The following GRIP1 variants were observed in gnomAD, a reference collection of about 807,000 sequenced individuals.
GRIP1 encodes glutamate receptor-interacting protein 1.
In GRIP1, 45 loss-of-function variants were observed where a neutral mutation model predicts 129.9. That is an observed-to-expected ratio of 0.35 (90% CI 0.27 to 0.44). The LOEUF is 0.44. Ranked by LOEUF, GRIP1 falls within the 20% of genes least tolerant of loss-of-function variation. The pLI is 1.00. For missense variants in GRIP1, 1,196 were observed against 1,396.8 expected, an observed-to-expected ratio of 0.86 and a Z score of 2.29; for synonymous variants, 530 against 520.8, an observed-to-expected ratio of 1.02 and a Z score of -0.24.
At chr12:66,971,129 T>C (rs1433718894) in intron 1 of GRIP1, among the ~76,000 whole-genome samples, 1 of 152,186 alleles carries the variant, frequency 6.6e-6, no homozygotes. Context: ...AAAATTACTA[T>C]TTAAATGGCC....
intron 1 of GRIP1, among the ~76,000 whole-genome samples, chr12:67,019,059 GT>G (rs1305889229): frequency 6.6e-6 from 1 of 152,108 alleles, no homozygotes; most frequent in Non-Finnish European, 1.5e-5. Context: ...CACAAAACAG[GT>G]TTTAATAAGA....
At chr12:66,490,565 A>T (rs1371848551) in intron 7 of GRIP1, among the ~76,000 whole-genome samples, 1 of 152,188 alleles carries the variant, frequency 6.6e-6, no homozygotes, top group Non-Finnish European at 1.5e-5. Context: ...GGACATAGGC[A>T]TGGGCAAAGA....
At chr12:66,491,618 A>G (rs567241515) in intron 7 of GRIP1, among the ~76,000 whole-genome samples, 1 of 152,128 alleles carries the variant, frequency 6.6e-6, no homozygotes, top group South Asian at 2.1e-4. Context: ...GCACCCCTGA[A>G]CTTAAGAGTT....
Position 66,406,368 on chromosome 12 carries a change from G to A in GRIP1, c.1899C>T (p.Asn633=). The A allele has an allele frequency of 6.2e-7, 1 of 1,614,038 alleles. No homozygotes were observed. Among genetic ancestry groups the A allele is most frequent in the African/African-American group, 1.3e-5 (1 of 75,058 alleles). ...LLAIDNIRLD[N]CSMEDAVQIL... Reference sequence around the variant, plus strand: ...TCTGAACTGCATCTTCCATGGAACAGTTGTCCAGCCGGATATTATCTATTG... The same window carrying A: ...TCTGAACTGCATCTTCCATGGAACAATTGTCCAGCCGGATATTATCTATTG... The change falls in exon 16 of 25, where the codon AAC becomes AAT. Residue 633 remains asparagine, a synonymous_variant. Transcript: ENST00000359742.
chr12:66,651,015 A>G (rs1253088685), intron 1 of GRIP1, among the ~76,000 whole-genome samples: 1 of 152,248 alleles, frequency 6.6e-6, no homozygotes, highest in Non-Finnish European at 1.5e-5. Context: ...AAAATATTTA[A>G]GACAATATGT....
At chr12:66,563,153 A>G (rs1490708925) in intron 2 of GRIP1, among the ~76,000 whole-genome samples, 2 of 152,244 alleles carry the variant, frequency 1.3e-5, no homozygotes, top group Non-Finnish European at 2.9e-5. Flanking sequence ...GTTATACTAT[A>G]TATACAGTAT....
At chr12:66,861,446 G>C (rs2040110264) in intron 1 of GRIP1, among the ~76,000 whole-genome samples, 3 of 152,082 alleles carry the variant, frequency 2.0e-5, no homozygotes, top group Non-Finnish European at 4.4e-5. Flanking sequence ...ACAAACGAAG[G>C]CAACTTACAC....
exon 1 of GRIP1, chr12:66,804,091 T>TA (rs1275077592): frequency 4.4e-6 from 2 of 455,810 alleles, no homozygotes; most frequent in African/African-American, 4.0e-5. Flanking sequence ...GACATCCTCA[T>TA]AGCCCTCGTG....
At chr12:66,500,085 A>C (rs961112014) in intron 7 of GRIP1, among the ~76,000 whole-genome samples, 1 of 152,194 alleles carries the variant, frequency 6.6e-6, no homozygotes, top group Non-Finnish European at 1.5e-5. Context: ...ATCTCATAAC[A>C]ACAACAATAA....
At chr12:66,776,617 TACAGA>T (rs1240252631) in intron 1 of GRIP1, among the ~76,000 whole-genome samples, 1 of 152,108 alleles carries the variant, frequency 6.6e-6, no homozygotes, top group Non-Finnish European at 1.5e-5. Context: ...CACAAGTAAA[TACAGA>T]GCAATATTTG....
In GRIP1 at chr12:66,371,939, A is replaced by G. The variant is rs764337127; in HGVS notation, c.2779-12T>C. On this transcript the variant is annotated splice_polypyrimidine_tract_variant and intron_variant, in intron 22 of 24. Transcript: ENST00000359742. ...GACATGATTGTTGCCTGTGGCATTG[A>G]CAATTTTTAGAAACAATTAAGCCAT... 1.3e-6 allele frequency: 2 copies of G among 1,562,194 alleles called. No homozygotes were observed. The highest frequency in any genetic ancestry group is 1.7e-5 in the Admixed American group (1 of 59,948).
chr12:67,051,972 G>A (rs1262765450), intron 1 of GRIP1, among the ~76,000 whole-genome samples: 1 of 152,180 alleles, frequency 6.6e-6, no homozygotes, highest in Non-Finnish European at 1.5e-5. Context: ...CTGACAGGAA[G>A]AGAACTGGAA....
chr12:66,646,864 T>A (rs1484349692), intron 1 of GRIP1, among the ~76,000 whole-genome samples: 4 of 152,160 alleles, frequency 2.6e-5, no homozygotes, highest in Admixed American at 2.0e-4. Flanking sequence ...CGAGAGGGTG[T>A]CCTCTCATGT....
At chr12:66,857,942 A>G (rs147594019) in intron 1 of GRIP1, among the ~76,000 whole-genome samples, 157 of 152,108 alleles carry the variant, frequency 1.0e-3, no homozygotes, top group African/African-American at 3.4e-3. Context: ...CGAGCACAGA[A>G]GTGTGAACTG....
chr12:66,576,233 T>A (rs565065685), intron 2 of GRIP1, among the ~76,000 whole-genome samples: 2 of 152,296 alleles, frequency 1.3e-5, no homozygotes, highest in Admixed American at 1.3e-4. Context: ...TAGAAAGATC[T>A]CTCATAATAA....
At chr12:66,927,961 A>G (rs192684719) in intron 1 of GRIP1, among the ~76,000 whole-genome samples, 155 of 152,338 alleles carry the variant, frequency 1.0e-3, no homozygotes, top group African/African-American at 3.4e-3. Flanking sequence ...TCCCACTGCA[A>G]TTAGGGACAA....
chr12:66,837,205 A>G (rs2039630029), intron 1 of GRIP1, among the ~76,000 whole-genome samples: 1 of 152,234 alleles, frequency 6.6e-6, no homozygotes, highest in Non-Finnish European at 1.5e-5. Flanking sequence ...TATGAGCCAT[A>G]ACAGGCCTGC....
At chr12:66,753,301 A>C (rs191684931) in intron 1 of GRIP1, among the ~76,000 whole-genome samples, 1 of 150,974 alleles carries the variant, frequency 6.6e-6, no homozygotes, top group East Asian at 2.0e-4. Context: ...TACGTATATG[A>C]ATCATAGAAA....
chr12:66,811,981 T>A (rs1296760724), intron 1 of GRIP1, among the ~76,000 whole-genome samples: 2 of 152,192 alleles, frequency 1.3e-5, no homozygotes, highest in Non-Finnish European at 2.9e-5. Context: ...TTAAAGCCAT[T>A]TCTTTGGCCC....
Sources: gnomAD v4.1 joint callset for allele counts (sites outside exome capture counted in the v4.1 genomes callset) on GRCh38, gnomAD v4.1.1 for gene constraint, MANE v1.5 for transcripts, NCBI Gene and HGNC (gene_info 2026-07-23, HGNC 2026-07-21) for gene names.